Variants in CPQ observed in about 807,000 individuals in gnomAD.
CPQ encodes the protein Ser-Met dipeptidase.
Under a neutral mutation model 45.7 loss-of-function variants are expected in CPQ, and 37 were observed. The ratio of observed to expected loss-of-function variants is 0.81; its 90% confidence interval spans 0.62 to 1.07. CPQ has a LOEUF of 1.07. Among genes scored for constraint, CPQ ranks in the 50% least tolerant of loss-of-function variants. The probability of loss-of-function intolerance (pLI) is 0.00; values close to 1 mark genes in which losing one functional copy is unlikely to be tolerated. For synonymous variants in CPQ, 186 were observed against 205.8 expected (o/e 0.90, Z 0.82); for missense variants, 537 against 572.9 (o/e 0.94, Z 0.64).
intron 5 of CPQ, among the ~76,000 whole-genome samples, chr8:97,009,430 G>A (rs949277236): frequency 2.6e-5 from 4 of 152,150 alleles, no homozygotes; most frequent in African/African-American, 7.2e-5. Context: ...GAGTGAGTGT[G>A]GTTTGTTGTC....
intron 2 of CPQ, among the ~76,000 whole-genome samples, chr8:96,802,218 T>C (rs1811014938): frequency 6.6e-6 from 1 of 152,214 alleles, no homozygotes; most frequent in Non-Finnish European, 1.5e-5. Flanking sequence ...CCAAGGCTGA[T>C]GCATTTGCAG....
intron 7 of CPQ, among the ~76,000 whole-genome samples, chr8:97,140,905 G>A (rs1369034398): frequency 1.3e-5 from 2 of 151,854 alleles, no homozygotes; most frequent in African/African-American, 2.4e-5. Context: ...AAACATATAA[G>A]GAAACTTAAT....
intron 4 of CPQ, among the ~76,000 whole-genome samples, chr8:96,956,682 CT>C (rs779812925): frequency 2.0e-4 from 30 of 151,986 alleles, no homozygotes; most frequent in Non-Finnish European, 1.2e-4. Context: ...TATATAAATT[CT>C]AATAAAAAAT....
At chr8:97,109,062 C>T (rs1164322609) in intron 7 of CPQ, among the ~76,000 whole-genome samples, 1 of 152,164 alleles carries the variant, frequency 6.6e-6, no homozygotes, top group African/African-American at 2.4e-5. Flanking sequence ...ATCCACATTG[C>T]CTCATACTTA....
intron 6 of CPQ, among the ~76,000 whole-genome samples, chr8:97,048,228 G>C (rs753310756): frequency 1.9e-4 from 29 of 152,270 alleles, no homozygotes; most frequent in Admixed American, 4.6e-4. Flanking sequence ...TAGAAGATTG[G>C]AGGAGCAATT....
At chr8:96,741,054 A>G (rs2130778456) in intron 1 of CPQ, among the ~76,000 whole-genome samples, 1 of 152,352 alleles carries the variant, frequency 6.6e-6, no homozygotes, top group Non-Finnish European at 1.5e-5. Context: ...GAATGGTACC[A>G]GTTCCTCCTT....
intron 1 of CPQ, among the ~76,000 whole-genome samples, chr8:96,773,228 A>G (rs976931237): frequency 6.6e-6 from 1 of 150,996 alleles, no homozygotes; most frequent in East Asian, 1.9e-4. Context: ...ATAAATATTA[A>G]TAGATATTGT....
At chr8:96,856,538 T>G (rs57715673) in intron 3 of CPQ, among the ~76,000 whole-genome samples, 5,970 of 152,278 alleles carry the variant, frequency 0.039, 190 homozygotes, top group African/African-American at 0.081. Flanking sequence ...GAAGGAATCT[T>G]GCTTATCGTG....
chr8:96,731,789 AT>A (rs532509981), intron 1 of CPQ, among the ~76,000 whole-genome samples: 3 of 151,942 alleles, frequency 2.0e-5, no homozygotes, highest in South Asian at 4.2e-4. Context: ...GGAGTTATTG[AT>A]TTTTTTTGTA....
intron 2 of CPQ, among the ~76,000 whole-genome samples, chr8:96,834,347 C>T (rs147564510): frequency 3.9e-5 from 6 of 152,146 alleles, no homozygotes; most frequent in East Asian, 3.9e-4. Context: ...GAACAAGTAC[C>T]GTAAATGGGA....
chr8:96,820,478 C>G (rs1210510956), intron 2 of CPQ, among the ~76,000 whole-genome samples: 1 of 151,798 alleles, frequency 6.6e-6, no homozygotes, highest in Admixed American at 6.6e-5. Context: ...CTCCCCTCTC[C>G]CCTTCCTGGC....
intron 3 of CPQ, among the ~76,000 whole-genome samples, chr8:96,868,901 T>A (rs1202481414): frequency 6.6e-6 from 1 of 152,002 alleles, no homozygotes; most frequent in Non-Finnish European, 1.5e-5. Flanking sequence ...TACTGGTTTT[T>A]TAGTTTGCTG....
intron 7 of CPQ, among the ~76,000 whole-genome samples, chr8:97,112,752 A>G (rs189783507): frequency 2.6e-5 from 4 of 152,314 alleles, no homozygotes; most frequent in South Asian, 2.1e-4. Flanking sequence ...CAGAGGAGAC[A>G]TGACAATGGC....
intron 7 of CPQ, among the ~76,000 whole-genome samples, chr8:97,129,956 G>T (rs1198899393): frequency 1.3e-5 from 2 of 152,164 alleles, no homozygotes; most frequent in African/African-American, 2.4e-5. Context: ...CGCAAGTCCT[G>T]CTGCACTAGT....
chr8:97,006,211 G>A (rs1009098808), intron 5 of CPQ, among the ~76,000 whole-genome samples: 2 of 152,128 alleles, frequency 1.3e-5, no homozygotes, highest in African/African-American at 2.4e-5. Context: ...AAACAGTTTT[G>A]AAACTGAGAA....
At chr8:97,088,759 C>G (rs1451666741) in intron 7 of CPQ, among the ~76,000 whole-genome samples, 6 of 152,134 alleles carry the variant, frequency 3.9e-5, no homozygotes, top group Non-Finnish European at 7.3e-5. Flanking sequence ...ACTTTAAGGT[C>G]ATAGACTGGA....
intron 2 of CPQ, among the ~76,000 whole-genome samples, chr8:96,797,284 C>T (rs75398250): frequency 0.016 from 2,495 of 152,284 alleles, 23 homozygotes; most frequent in Middle Eastern, 0.034. Flanking sequence ...CTTAGGTGTT[C>T]AGTCTTTGTG....
At chr8:96,697,304 A>G (rs1809398003) in intron 1 of CPQ, among the ~76,000 whole-genome samples, 1 of 152,236 alleles carries the variant, frequency 6.6e-6, no homozygotes, top group Non-Finnish European at 1.5e-5. Context: ...CTGAAAATGT[A>G]TTTGATAAAA....
chr8:96,858,683 G>A (rs554469795), intron 3 of CPQ, among the ~76,000 whole-genome samples: 1 of 152,136 alleles, frequency 6.6e-6, no homozygotes, highest in East Asian at 1.9e-4. Flanking sequence ...AAAGCTATGT[G>A]TATTTCCCCA....
Sources: gnomAD v4.1 joint callset for allele counts (sites outside exome capture counted in the v4.1 genomes callset) on GRCh38, gnomAD v4.1.1 for gene constraint, MANE v1.5 for transcripts, NCBI Gene and HGNC (gene_info 2026-07-23, HGNC 2026-07-21) for gene names.